UBE2Z: variants seen among roughly 807,000 people sequenced by gnomAD.
The protein encoded by UBE2Z is ubiquitin-conjugating enzyme E2 Z.
Under a neutral mutation model 32.6 loss-of-function variants are expected in UBE2Z, and 10 were observed. The observed-to-expected ratio is 0.31, with a 90% CI of 0.19 to 0.52. UBE2Z has a LOEUF of 0.52. Among genes scored for constraint, UBE2Z ranks in the 20% least tolerant of loss-of-function variants. The pLI is 0.97. For synonymous variants in UBE2Z, 183 were observed against 190.8 expected, an observed-to-expected ratio of 0.96 and a Z score of 0.34; for missense variants, 343 against 480.9, an observed-to-expected ratio of 0.71 and a Z score of 2.68.
intron 4 of UBE2Z, among the ~76,000 whole-genome samples, chr17:48,917,832 C>T (rs2040731168): frequency 6.6e-6 from 1 of 152,202 alleles, no homozygotes; most frequent in East Asian, 1.9e-4. Flanking sequence ...CAACTTCTCC[C>T]ACTCTTCCGA....
rs575756981 is a variant in UBE2Z at position 48,924,759 on chromosome 17, A to G, written c.894+1822A>G. On this transcript the variant is annotated intron_variant, in intron 6 of 6. Transcript: ENST00000360943. ...TACTTGGGAAGCTGAGGGATGAGAAATGCTTGAACCTGGGAGGCAGAGGTT... is the reference window on the plus strand; with the variant it reads ...TACTTGGGAAGCTGAGGGATGAGAAGTGCTTGAACCTGGGAGGCAGAGGTT... Among the ~76,000 whole-genome samples, 231 of 145,422 alleles carry G rather than the reference A, an allele frequency of 1.6e-3. 1 individual carries two copies. Among genetic ancestry groups the G allele is most frequent in the African/African-American group, 5.6e-3 (222 of 39,630 alleles).
chr17:48,917,379 G>A (rs1305345016), intron 4 of UBE2Z, among the ~76,000 whole-genome samples: 1 of 152,060 alleles, frequency 6.6e-6, no homozygotes, highest in Non-Finnish European at 1.5e-5. Flanking sequence ...TTCCTTTATA[G>A]CATGGAAGTC....
chr17:48,920,753 C>A (rs1368564313), intron 4 of UBE2Z, among the ~76,000 whole-genome samples: 3 of 152,136 alleles, frequency 2.0e-5, no homozygotes, highest in Non-Finnish European at 2.9e-5. Flanking sequence ...TGAACCCAAA[C>A]TCTTGGGCTC....
At position 48,908,517 on chromosome 17, in the gene UBE2Z, C is replaced by T; in HGVS notation, c.14C>T (p.Pro5Leu). Reference sequence around the variant, plus strand: ...AGCGAAGCAGCGATGGCGGAGAGTCCGACTGAGGAGGCGGCAACGGCGGGC... The same window carrying T: ...AGCGAAGCAGCGATGGCGGAGAGTCTGACTGAGGAGGCGGCAACGGCGGGC... MAES[P>L]TEEAATAGAG... The change falls in exon 1 of 7, where the codon CCG becomes CTG. Residue 5 changes from proline (P) to leucine (L), a missense_variant. By Grantham distance (98) the Pro-to-Leu change is moderately conservative. This residue lies in a region of UBE2Z where 103 missense variants were observed against 96.2 expected (regional missense o/e 1.07). Coordinates refer to ENST00000360943, the MANE Select transcript of UBE2Z (RefSeq NM_023079.5). The T allele has an allele frequency of 8.1e-7, 1 of 1,235,868 alleles. No individual in the cohort carries two copies. Among genetic ancestry groups the T allele is most frequent in the Non-Finnish European group, 1.0e-6 (1 of 988,674 alleles). 76.6% of individuals were successfully genotyped at this position (1,235,868 alleles called of 1,614,324 possible).
intron 2 of UBE2Z, 26 bp from the exon 3 acceptor site, chr17:48,912,807 AT>A: frequency 6.2e-7 from 1 of 1,611,846 alleles, no homozygotes; most frequent in Non-Finnish European, 8.5e-7. Context: ...TCACCTCACA[AT>A]TTTGAGATGG....
chr17:48,908,947 C>T, intron 1 of UBE2Z, 127 bp downstream of exon 1: 3 of 688,898 alleles, frequency 4.4e-6, no homozygotes, highest in Non-Finnish European at 6.2e-6. Context: ...ACCTCCACGG[C>T]CCAAATCTTG....
chr17:48,925,504 G>T lies in UBE2Z; in HGVS notation c.895-1460G>T, dbSNP rs562948494. ...CACCTGTCTCATTTAAGCACAAAGG[G>T]CAGGGCTGGCTCAGGACTAAGTTGT... On this transcript the variant is annotated intron_variant, in intron 6 of 6. Coordinates refer to ENST00000360943, the MANE Select transcript of UBE2Z (RefSeq NM_023079.5). Among the ~76,000 whole-genome samples, 10 of 152,230 alleles carry T rather than the reference G, an allele frequency of 6.6e-5. No individual in the cohort carries two copies. The East Asian group carries it at 1.9e-3, about 29-fold the overall frequency.
At chr17:48,922,803 G>C (rs1457291984) in intron 5 of UBE2Z, 44 bp from the exon 6 acceptor site, 1 of 1,509,436 alleles carries the variant, frequency 6.6e-7, no homozygotes, top group Non-Finnish European at 9.1e-7. Flanking sequence ...GGGGTGACCT[G>C]TACCCCTGGG....
At position 48,908,764 on chromosome 17, in the gene UBE2Z, C is replaced by T; in HGVS notation, c.261C>T (p.Leu87=). 6.6e-7 allele frequency: 1 copy of T among 1,505,630 alleles called. No homozygotes were observed. Among genetic ancestry groups the T allele is most frequent in the Non-Finnish European group, 8.8e-7 (1 of 1,131,986 alleles). 93.3% of individuals were successfully genotyped at this position (1,505,630 alleles called of 1,614,324 possible). A position where few individuals can be genotyped will look rare whatever the true frequency, so the allele number is the denominator to read the frequency against. The change falls in exon 1 of 7, where the codon CTC becomes CTT. Residue 87 remains leucine (L), a synonymous_variant. Coordinates refer to ENST00000360943, the MANE Select transcript of UBE2Z (RefSeq NM_023079.5). ...TGCTTAGCCACTGGGACCCCACGCT[C>T]AGCTCCGACTGGGACGGCGAGCGCA... ...AALLSHWDPT[L]SSDWDGERTA... is the part of the protein sequence containing the mutation.
chr17:48,923,227 A>G, intron 6 of UBE2Z: 1 of 188,890 alleles, frequency 5.3e-6, no homozygotes, highest in Non-Finnish European at 1.1e-5. Flanking sequence ...AGGCTGAGGC[A>G]GGAGAATCAC....
chr17:48,915,981 T>C (rs1456080258), intron 3 of UBE2Z, 95 bp from the exon 4 acceptor site: 29 of 698,792 alleles, frequency 4.2e-5, no homozygotes, highest in Admixed American at 1.4e-4. Context: ...GAGAAACTTA[T>C]GGTGAGTCAC....
intron 2 of UBE2Z, chr17:48,911,229 C>T (rs985304544): frequency 2.9e-5 from 7 of 240,554 alleles, no homozygotes; most frequent in Admixed American, 2.8e-4. Flanking sequence ...CAGCTCTTCC[C>T]CCATCCCGTT....
intron 6 of UBE2Z, 46 bp from the exon 7 acceptor site, chr17:48,926,918 C>A: frequency 6.3e-7 from 1 of 1,577,558 alleles, no homozygotes; most frequent in South Asian, 1.2e-5. Flanking sequence ...CTAGGATCAG[C>A]CACCCAGACT....
chr17:48,911,171 T>C, intron 2 of UBE2Z: 1 of 377,626 alleles, frequency 2.6e-6, no homozygotes, highest in Non-Finnish European at 5.0e-6. Flanking sequence ...TCAAAAATGC[T>C]CCTGTTTGGA....
chr17:48,910,933 G>T, intron 2 of UBE2Z, 53 bp downstream of exon 2: 2 of 1,439,954 alleles, frequency 1.4e-6, no homozygotes, highest in South Asian at 1.1e-5. Flanking sequence ...GGGCCATAAG[G>T]TTGCAAAAGC....
intron 4 of UBE2Z, 71 bp downstream of exon 4, chr17:48,916,258 G>GTTTTTTTTTTTTTTTTTTTTT (rs371253123): frequency 2.4e-5 from 10 of 418,984 alleles, no homozygotes; most frequent in South Asian, 5.1e-5. Context: ...TGGTTTTTTT[G>GTTTTTTTTTTTTTTTTTTTTT]TTTTTTTTTT....
rs1391924424 is a variant in UBE2Z at position 48,908,800 on chromosome 17, G to A, written c.297G>A (p.Gln99=). Residue 99 remains glutamine (Q), a synonymous_variant, in exon 1 of 7, where the codon CAG becomes CAA. Coordinates refer to ENST00000360943, the MANE Select transcript of UBE2Z (RefSeq NM_023079.5). ...GGGACGGCGAGCGCACCGCGCCGCA[G>A]TGTCTACTCCGGATCAAGCGGTGAG... ...SDWDGERTAP[Q]CLLRIKRDIM... is the part of the protein sequence containing the mutation. 1 of 1,507,166 alleles carries A rather than the reference G, an allele frequency of 6.6e-7. No individual in the cohort carries two copies. The highest frequency in any genetic ancestry group is 8.8e-7 in the Non-Finnish European group (1 of 1,132,894). The allele number at this position is 1,507,166 out of a possible 1,614,324, so 93.4% of individuals were successfully genotyped here.
chr17:48,926,172 A>T (rs1353396498), intron 6 of UBE2Z, among the ~76,000 whole-genome samples: 1 of 152,106 alleles, frequency 6.6e-6, no homozygotes, highest in Non-Finnish European at 1.5e-5. Context: ...GTCCCTGGGG[A>T]GGAGTACAGG....
At chr17:48,914,596 T>A (rs1257653672) in intron 3 of UBE2Z, among the ~76,000 whole-genome samples, 1 of 152,172 alleles carries the variant, frequency 6.6e-6, no homozygotes, top group Non-Finnish European at 1.5e-5. Flanking sequence ...CAAAGTAGGC[T>A]CTCCCTCATT....
Sources: allele counts gnomAD v4.1 joint callset (sites outside exome capture counted in the v4.1 genomes callset), GRCh38; gene constraint gnomAD v4.1.1; regional missense constraint gnomAD v4.1.1; transcripts MANE v1.5; gene names NCBI Gene and HGNC (gene_info 2026-07-23, HGNC 2026-07-21).